The following SGCZ variants were observed in gnomAD, a reference collection of about 807,000 sequenced individuals.
SGCZ encodes zeta-sarcoglycan.
In SGCZ, 40 loss-of-function variants were observed where a neutral mutation model predicts 41.3. The ratio of observed to expected loss-of-function variants is 0.97; its 90% CI spans 0.75 to 1.26. The LOEUF is 1.26. Ranked by LOEUF, SGCZ falls within the 50% of genes most tolerant of loss-of-function variation. SGCZ has a pLI of 0.00. For synonymous variants in SGCZ, 206 were observed against 137.5 expected (o/e 1.50, Z -3.49); for missense variants, 552 against 369.8 (o/e 1.49, Z -4.04).
At position 14,236,451 on chromosome 8, in the gene SGCZ, A is replaced by T. The variant is rs190098553; in HGVS notation, c.424+1141T>A. Among the ~76,000 whole-genome samples, 71 of 151,876 alleles carry T rather than the reference A, an allele frequency of 4.7e-4. No individual in the cohort carries two copies. In the East Asian group the frequency reaches 6.4e-3, roughly 14 times the overall value. On this transcript the variant is annotated intron_variant, in intron 4 of 7. Coordinates refer to ENST00000382080, the MANE Select transcript of SGCZ (RefSeq NM_139167.4). ...TTTGGGTTCATCAAAACAAATATTT[A>T]AAAAAAACCTACAAATTAAGTACAC...
chr8:14,419,678 T>C (rs1339912138), intron 2 of SGCZ, among the ~76,000 whole-genome samples: 1 of 152,020 alleles, frequency 6.6e-6, no homozygotes, highest in Non-Finnish European at 1.5e-5. Flanking sequence ...ATCATTCATT[T>C]CTATATTACC....
chr8:14,877,503 G>C (rs181576434), intron 1 of SGCZ, among the ~76,000 whole-genome samples: 15 of 152,042 alleles, frequency 9.9e-5, no homozygotes, highest in Non-Finnish European at 1.3e-4. Flanking sequence ...GCAGGCATTT[G>C]ATTTGTATTC....
At chr8:14,573,961 G>C (rs1467759337) in intron 1 of SGCZ, among the ~76,000 whole-genome samples, 5 of 152,206 alleles carry the variant, frequency 3.3e-5, no homozygotes, top group Non-Finnish European at 5.9e-5. Context: ...TTGCACAGAG[G>C]ATACATGCAT....
chr8:14,437,180 T>C (rs1354595861), intron 2 of SGCZ, among the ~76,000 whole-genome samples: 1 of 152,174 alleles, frequency 6.6e-6, no homozygotes. Flanking sequence ...TTCCAGTGAA[T>C]AGGATTACAA....
chr8:15,057,022 C>T (rs1199377423), intron 1 of SGCZ, among the ~76,000 whole-genome samples: 1 of 152,210 alleles, frequency 6.6e-6, no homozygotes, highest in Non-Finnish European at 1.5e-5. Flanking sequence ...TGTGAGGTCA[C>T]ACTGCCAACA....
At chr8:14,781,171 G>T (rs779537926) in intron 1 of SGCZ, among the ~76,000 whole-genome samples, 1 of 152,056 alleles carries the variant, frequency 6.6e-6, no homozygotes, top group Non-Finnish European at 1.5e-5. Flanking sequence ...TTTCTAAGCA[G>T]TTCTACCCCC....
chr8:14,438,909 T>C (rs1016169714), intron 2 of SGCZ, among the ~76,000 whole-genome samples: 1 of 152,036 alleles, frequency 6.6e-6, no homozygotes, highest in Non-Finnish European at 1.5e-5. Context: ...ATAATGATCT[T>C]GTAAGAGAAG....
intron 1 of SGCZ, among the ~76,000 whole-genome samples, chr8:14,968,292 T>C (rs1193145510): frequency 6.6e-6 from 1 of 152,138 alleles, no homozygotes; most frequent in Non-Finnish European, 1.5e-5. Flanking sequence ...GCAGATTGAT[T>C]AAAATCACTT....
intron 1 of SGCZ, among the ~76,000 whole-genome samples, chr8:14,841,117 A>C (rs546898460): frequency 3.3e-5 from 5 of 152,216 alleles, no homozygotes; most frequent in South Asian, 4.2e-4. Context: ...AGAACAAAAA[A>C]AAAATCAAGT....
At chr8:14,687,927 G>C (rs1483909820) in intron 1 of SGCZ, among the ~76,000 whole-genome samples, 2 of 152,150 alleles carry the variant, frequency 1.3e-5, no homozygotes, top group African/African-American at 4.8e-5. Context: ...GTTTTGATGT[G>C]CATTTCTCTG....
intron 1 of SGCZ, among the ~76,000 whole-genome samples, chr8:14,796,336 T>C (rs76008890): frequency 0.01 from 1,536 of 152,280 alleles, 21 homozygotes; most frequent in African/African-American, 0.035. Flanking sequence ...CAGGCTGGTA[T>C]TGGAACTCCT....
intron 1 of SGCZ, among the ~76,000 whole-genome samples, chr8:14,578,020 A>C (rs1804768813): frequency 6.6e-6 from 1 of 152,214 alleles, no homozygotes; most frequent in African/African-American, 2.4e-5. Context: ...TCAAAGGGCC[A>C]GGAAAAATGA....
intron 1 of SGCZ, among the ~76,000 whole-genome samples, chr8:14,886,821 G>A (rs1384714121): frequency 6.6e-6 from 1 of 152,142 alleles, no homozygotes; most frequent in Non-Finnish European, 1.5e-5. Context: ...CTTCTGGGGT[G>A]GAGCAGACTA....
At chr8:15,138,338 G>A (rs946203500) in intron 1 of SGCZ, among the ~76,000 whole-genome samples, 1 of 152,124 alleles carries the variant, frequency 6.6e-6, no homozygotes, top group East Asian at 1.9e-4. Context: ...GGGCTTTTGA[G>A]TTAATGCAGG....
At chr8:14,234,533 A>G (rs1038044796) in intron 4 of SGCZ, among the ~76,000 whole-genome samples, 12 of 152,112 alleles carry the variant, frequency 7.9e-5, no homozygotes, top group Non-Finnish European at 1.6e-4. Context: ...GGTAGACAAT[A>G]GAATTGTTTT....
intron 3 of SGCZ, among the ~76,000 whole-genome samples, chr8:14,284,563 T>A (rs1037228224): frequency 9.9e-5 from 15 of 152,242 alleles, no homozygotes; most frequent in African/African-American, 3.6e-4. Context: ...TTCATACAGA[T>A]AATCTTTGTC....
At chr8:15,225,156 G>A (rs924471543) in intron 1 of SGCZ, among the ~76,000 whole-genome samples, 1 of 152,116 alleles carries the variant, frequency 6.6e-6, no homozygotes, top group African/African-American at 2.4e-5. Flanking sequence ...AGGAAACTCA[G>A]AATATGTACA....
intron 1 of SGCZ, among the ~76,000 whole-genome samples, chr8:14,792,132 A>G (rs932467371): frequency 6.6e-5 from 10 of 152,224 alleles, no homozygotes; most frequent in African/African-American, 2.4e-4. Flanking sequence ...AAAAATAGCA[A>G]CAATGCATAG....
At chr8:14,152,860 T>C (rs575788172) in intron 5 of SGCZ, among the ~76,000 whole-genome samples, 75 of 152,300 alleles carry the variant, frequency 4.9e-4, no homozygotes, top group African/African-American at 1.8e-3. Context: ...AATGAAACTA[T>C]TGATATATAC....
Sources: gnomAD v4.1 joint callset for allele counts (sites outside exome capture counted in the v4.1 genomes callset) on GRCh38, gnomAD v4.1.1 for gene constraint, MANE v1.5 for transcripts, NCBI Gene and HGNC (gene_info 2026-07-23, HGNC 2026-07-21) for gene names.